The following KCNMA1 variants were observed in gnomAD, a reference collection of about 807,000 sequenced individuals.
KCNMA1 encodes potassium calcium-activated channel subfamily M alpha 1, also known as Calcium-activated potassium channel subunit alpha-1.
Under a neutral mutation model 140.0 loss-of-function variants are expected in KCNMA1, and 29 were observed. The observed-to-expected ratio is 0.21, with a 90% CI of 0.15 to 0.28. The LOEUF (loss-of-function observed/expected upper bound fraction) is 0.28. Among genes scored for constraint, KCNMA1 ranks in the 10% least tolerant of loss-of-function variants. The probability of loss-of-function intolerance (pLI) is 1.00; values close to 1 mark genes in which losing one functional copy is unlikely to be tolerated. For missense variants in KCNMA1, 880 were observed against 1,602.2 expected (o/e 0.55, Z 7.70); for synonymous variants, 612 against 611.9 (o/e 1.00, Z 0.00).
rs948682924 is a variant in KCNMA1 at position 77,108,582 on chromosome 10, TAGG to T, written c.1132-13_1132-11del. On this transcript the variant is annotated splice_polypyrimidine_tract_variant and intron_variant, in intron 8 of 27. Transcript: ENST00000286628. The surrounding 1 kb of genome is among the most constrained non-coding windows in gnomAD (Gnocchi z 4.6). ...AGCTGGCAAACATGGCCTGAGAAGATAGGAGACAGAAGAGAGACTAAAAAGACA... is the reference window on the plus strand; with the variant it reads ...AGCTGGCAAACATGGCCTGAGAAGATAGACAGAAGAGAGACTAAAAAGACA... 6.2e-7 allele frequency: 1 copy of T among 1,604,016 alleles called. No individual in the cohort carries two copies. The highest frequency in any genetic ancestry group is 1.3e-5 in the African/African-American group (1 of 74,128).
At chr10:77,636,833 G>A in intron 1 of KCNMA1, 1 of 1,433,312 alleles carries the variant, frequency 7.0e-7, no homozygotes. Flanking sequence ...GGGCGGATGT[G>A]CTCCCTCTCG....
At chr10:77,473,434 C>G (rs767221907) in intron 1 of KCNMA1, among the ~76,000 whole-genome samples, 4 of 152,198 alleles carry the variant, frequency 2.6e-5, no homozygotes, top group Admixed American at 2.6e-4. Flanking sequence ...TCTTCAAGGG[C>G]CTGAAGAGAG....
At chr10:77,159,784 C>G (rs2098534873) in intron 5 of KCNMA1, among the ~76,000 whole-genome samples, 2 of 152,144 alleles carry the variant, frequency 1.3e-5, no homozygotes, top group Admixed American at 1.3e-4. Flanking sequence ...GCCTGTTCCC[C>G]CAGCACTCTC....
chr10:77,525,833 C>T (rs1054777974), intron 1 of KCNMA1, among the ~76,000 whole-genome samples: 1 of 152,208 alleles, frequency 6.6e-6, no homozygotes, highest in African/African-American at 2.4e-5. Flanking sequence ...TCCTTCTCCA[C>T]AGTGTCTTGC....
At chr10:77,008,276 G>A (rs2089708367) in intron 18 of KCNMA1, 2 of 1,406,902 alleles carry the variant, frequency 1.4e-6, no homozygotes, top group South Asian at 1.3e-5. Flanking sequence ...ATATGTCAAT[G>A]ATTTGAAGTC....
intron 16 of KCNMA1, chr10:77,020,705 T>C (rs1316606097): frequency 1.3e-5 from 2 of 152,218 alleles, no homozygotes; most frequent in Middle Eastern, 3.2e-3. Flanking sequence ...ACAGTTTAGA[T>C]GAATTTATCT....
At chr10:77,365,869 A>C (rs2094318260) in intron 2 of KCNMA1, among the ~76,000 whole-genome samples, 1 of 152,140 alleles carries the variant, frequency 6.6e-6, no homozygotes, top group African/African-American at 2.4e-5. Flanking sequence ...TTCACTAACA[A>C]GTTCTATAAT....
At chr10:77,178,878 T>G (rs1046708830) in intron 5 of KCNMA1, among the ~76,000 whole-genome samples, 3 of 152,162 alleles carry the variant, frequency 2.0e-5, no homozygotes, top group African/African-American at 7.2e-5. Context: ...GGTGCATTTA[T>G]TTTAGTGAGG....
intron 1 of KCNMA1, among the ~76,000 whole-genome samples, chr10:77,522,347 T>A (rs1267691400): frequency 6.6e-6 from 1 of 152,014 alleles, no homozygotes; most frequent in Non-Finnish European, 1.5e-5. Context: ...CAGCTGACAC[T>A]CTTTTCCTTA....
intron 1 of KCNMA1, among the ~76,000 whole-genome samples, chr10:77,630,451 G>A (rs1047933323): frequency 2.0e-5 from 3 of 152,128 alleles, no homozygotes; most frequent in Admixed American, 6.5e-5. Context: ...CAACGCTGAT[G>A]GGTTCCTTAG....
chr10:77,336,245 G>T (rs1290113110), intron 2 of KCNMA1, among the ~76,000 whole-genome samples: 2 of 152,046 alleles, frequency 1.3e-5, no homozygotes, highest in East Asian at 1.9e-4. Flanking sequence ...GATGAGAAAA[G>T]GTGTCCCAGA....
chr10:77,509,784 T>C (rs898948491), intron 1 of KCNMA1, among the ~76,000 whole-genome samples: 10 of 152,194 alleles, frequency 6.6e-5, no homozygotes, highest in Admixed American at 6.5e-4. Flanking sequence ...ATTAACGTTA[T>C]GTTTTAAAAC....
chr10:77,201,824 C>CA lies in KCNMA1; in HGVS notation c.603-16909dup, dbSNP rs768567488. On this transcript the variant is annotated intron_variant, in intron 3 of 27. Coordinates refer to ENST00000286628, the MANE Select transcript of KCNMA1 (RefSeq NM_001161352.2). ...GATAAAATGTCTTGGATCTACACAG[C>CA]AAAAAAAAAAAAGTGCTTGTAAAAA... is the stretch of plus-strand genomic sequence containing the variant. 3.3e-3 allele frequency among the ~76,000 whole-genome samples: 462 copies of CA among 141,924 alleles called. 2 individuals are homozygous for CA. The highest frequency in any genetic ancestry group is 0.017 in the South Asian group (75 of 4,468). The allele number at this position is 141,924 out of a possible 152,430, so 93.1% of individuals were successfully genotyped here.
intron 1 of KCNMA1, among the ~76,000 whole-genome samples, chr10:77,545,345 C>T (rs924909468): frequency 6.6e-6 from 1 of 152,232 alleles, no homozygotes; most frequent in South Asian, 2.1e-4. Context: ...GTTTCCACTC[C>T]CCTAACACAT....
intron 19 of KCNMA1, among the ~76,000 whole-genome samples, chr10:76,991,443 T>A (rs1244641504): frequency 6.6e-6 from 1 of 152,216 alleles, no homozygotes; most frequent in African/African-American, 2.4e-5. Flanking sequence ...CCTTCAGTCA[T>A]GTCCTTGTTC....
chr10:77,613,479 G>A (rs896035456), intron 1 of KCNMA1, among the ~76,000 whole-genome samples: 15 of 152,312 alleles, frequency 9.8e-5, no homozygotes, highest in African/African-American at 3.6e-4. Flanking sequence ...GCCTATCAAG[G>A]CATTTGGGCC....
intron 22 of KCNMA1, among the ~76,000 whole-genome samples, chr10:76,946,483 AC>A (rs570418826): frequency 9.2e-5 from 14 of 152,086 alleles, no homozygotes; most frequent in Non-Finnish European, 1.5e-4. Context: ...GAGCCTATCT[AC>A]CCTCTTTTAT....
At chr10:77,188,388 T>C (rs1246418477) in intron 3 of KCNMA1, among the ~76,000 whole-genome samples, 1 of 152,220 alleles carries the variant, frequency 6.6e-6, no homozygotes, top group Non-Finnish European at 1.5e-5. Flanking sequence ...ACTTAACTTA[T>C]ATCCTCTTAA....
At chr10:77,367,248 C>T (rs537114102) in intron 2 of KCNMA1, among the ~76,000 whole-genome samples, 2 of 152,296 alleles carry the variant, frequency 1.3e-5, no homozygotes, top group South Asian at 4.1e-4. Context: ...AGAGAATATA[C>T]ACTGCTGTAG....
Sources: gnomAD v4.1 joint callset for allele counts (sites outside exome capture counted in the v4.1 genomes callset) on GRCh38, gnomAD v4.1.1 for gene constraint, Gnocchi (gnomAD v3.1) non-coding constraint, MANE v1.5 for transcripts, NCBI Gene and HGNC (gene_info 2026-07-23, HGNC 2026-07-21) for gene names.